The following KIF13A variants were observed in gnomAD, a reference collection of about 807,000 sequenced individuals.
The protein encoded by KIF13A is kinesin family member 13A.
KIF13A carries 79 observed loss-of-function variants against 212.2 expected under a neutral mutation model. That is an observed-to-expected ratio of 0.37 (90% confidence interval 0.31 to 0.45). The LOEUF (loss-of-function observed/expected upper bound fraction) is 0.45, where lower values mean the gene tolerates loss of function less well. Ranked by LOEUF, KIF13A falls within the 20% of genes least tolerant of loss-of-function variation. The probability of loss-of-function intolerance (pLI) is 1.00; values close to 1 mark genes in which losing one functional copy is unlikely to be tolerated. For synonymous variants in KIF13A, 789 were observed against 808.6 expected (o/e 0.98, Z 0.41); for missense variants, 1,901 against 2,209.0 (o/e 0.86, Z 2.79).
intron 9 of KIF13A, among the ~76,000 whole-genome samples, chr6:17,844,163 G>A (rs1038415080): frequency 3.3e-5 from 5 of 152,136 alleles, no homozygotes; most frequent in African/African-American, 1.2e-4. Flanking sequence ...CAGTAAAGCA[G>A]AAATGGAAAA....
rs1040267197 is a variant in KIF13A, at chr6:17,828,942, C to G, written c.1402-572G>C. 1.4e-5 allele frequency among the ~76,000 whole-genome samples: 2 copies of G among 143,274 alleles called. No individual in the cohort carries two copies. Among genetic ancestry groups the G allele is most frequent in the Middle Eastern group, 3.3e-3 (1 of 304 alleles). 94.0% of individuals were successfully genotyped at this position (143,274 alleles called of 152,430 possible). Reference sequence around the variant, plus strand: ...TAATGCCTGTGGGTCATACCATGTACAAACGTGTGATTTTTTTTTTTTTGA... The same window carrying G: ...TAATGCCTGTGGGTCATACCATGTAGAAACGTGTGATTTTTTTTTTTTTGA... On this transcript the variant is annotated intron_variant, in intron 13 of 38. Transcript: ENST00000259711. This position sits in a 1 kb window ranked among gnomAD's most constrained non-coding sequence, Gnocchi z 4.3.
intron 2 of KIF13A, among the ~76,000 whole-genome samples, chr6:17,954,241 T>C (rs960918580): frequency 4.8e-4 from 72 of 150,744 alleles, no homozygotes; most frequent in African/African-American, 1.7e-3. Flanking sequence ...GCGGGCTTGC[T>C]TGCAATGAGC....
At chr6:17,814,301 T>G (rs1168176798) in intron 17 of KIF13A, among the ~76,000 whole-genome samples, 1 of 139,280 alleles carries the variant, frequency 7.2e-6, no homozygotes, top group Non-Finnish European at 1.5e-5. Context: ...CAGGCTAGAG[T>G]GCAGTGGCGT....
At chr6:17,916,046 T>C (rs1774487512) in intron 2 of KIF13A, among the ~76,000 whole-genome samples, 1 of 152,166 alleles carries the variant, frequency 6.6e-6, no homozygotes, top group African/African-American at 2.4e-5. Flanking sequence ...CTGGGCAGGA[T>C]GGCGTTTCTC....
chr6:17,771,238 C>G lies in KIF13A; in HGVS notation c.4477-20G>C, dbSNP rs1399539093. 6.5e-7 allele frequency: 1 copy of G among 1,532,658 alleles called. No individual in the cohort carries two copies. Among genetic ancestry groups the G allele is most frequent in the Admixed American group, 1.7e-5 (1 of 57,642 alleles). The allele number at this position is 1,532,658 out of a possible 1,614,324, so 94.9% of individuals were successfully genotyped here. On this transcript the variant is annotated intron_variant, in intron 37 of 38. Transcript: ENST00000259711. The surrounding 1 kb of genome is among the most constrained non-coding windows in gnomAD (Gnocchi z 5.4). ...CATGCTCTGCAAAGGTTAAGACACACAGATGCATCACACACAAAGACGACA... is the reference window on the plus strand; with the variant it reads ...CATGCTCTGCAAAGGTTAAGACACAGAGATGCATCACACACAAAGACGACA...
chr6:17,983,810 G>A (rs1781319539), intron 2 of KIF13A, among the ~76,000 whole-genome samples: 1 of 152,026 alleles, frequency 6.6e-6, no homozygotes, highest in Admixed American at 6.6e-5. Context: ...GCTTCTGAAT[G>A]GTACTCCACC....
In KIF13A at chr6:17,800,058, C is replaced by A. The variant is rs778640625; in HGVS notation, c.2510G>T (p.Arg837Leu). The A allele has an allele frequency of 2.5e-6, 4 of 1,613,902 alleles. No individual in the cohort carries two copies. ...CTCCGAAGAGTCATCCTCCACCACA[C>A]GCTCTGGAACAGCTCCTGTAACACG... ...VMRVTGAVPERVVEDDSSENS... is the reference protein window; with the variant it reads ...VMRVTGAVPELVVEDDSSENS... The change falls in exon 21 of 39, where the codon CGT (arginine) becomes CTT (leucine). Residue 837 changes from arginine (R) to leucine (L), a missense_variant. Transcript: ENST00000259711.
intron 26 of KIF13A, among the ~76,000 whole-genome samples, chr6:17,788,914 G>C (rs1031268633): frequency 2.6e-5 from 4 of 152,066 alleles, no homozygotes; most frequent in African/African-American, 9.7e-5. Flanking sequence ...TAGTAGAGAC[G>C]GAGTTTCACC....
Position 17,943,349 on chromosome 6 carries a change from C to T in KIF13A, c.146+43705G>A, listed in dbSNP as rs564234490. ...TGGCAGTATTTTTTAGAAAGTGATT[C>T]TCCAATGTTAGTAAGCTTCAGAATC... On this transcript the variant is annotated intron_variant, in intron 2 of 38. Coordinates refer to ENST00000259711, the MANE Select transcript of KIF13A (RefSeq NM_022113.6). Among the ~76,000 whole-genome samples the T allele has an allele frequency of 2.6e-5, 4 of 151,642 alleles. No homozygotes were observed. In the East Asian group the frequency reaches 7.7e-4, roughly 29 times the overall value.
intron 4 of KIF13A, among the ~76,000 whole-genome samples, chr6:17,861,894 A>G (rs1343708696): frequency 6.6e-6 from 1 of 152,142 alleles, no homozygotes; most frequent in Non-Finnish European, 1.5e-5. Context: ...TTCATATTCA[A>G]ATCTTTTCTC....
chr6:17,974,525 C>T (rs187668948), intron 2 of KIF13A, among the ~76,000 whole-genome samples: 1 of 152,270 alleles, frequency 6.6e-6, no homozygotes, highest in Non-Finnish European at 1.5e-5. Context: ...AGCAAAGACA[C>T]GTCATATGTA....
chr6:17,881,687 CTG>C, intron 3 of KIF13A: 1 of 335,916 alleles, frequency 3.0e-6, no homozygotes, highest in South Asian at 2.3e-5. Flanking sequence ...CAGAGCTAGA[CTG>C]TGTCTCAAAA....
chr6:17,784,291 G>T (rs1760859742), intron 28 of KIF13A, among the ~76,000 whole-genome samples: 1 of 152,156 alleles, frequency 6.6e-6, no homozygotes, highest in Non-Finnish European at 1.5e-5. Flanking sequence ...GGGTGTGGTG[G>T]CACAGGCCTG....
Position 17,799,325 on chromosome 6 carries a change from C to T in KIF13A, c.2731G>A (p.Glu911Lys), listed in dbSNP as rs770759632. Residue 911 changes from glutamate (E) to lysine (K), a missense_variant, in exon 22 of 39, where the codon GAG becomes AAG. Coordinates refer to ENST00000259711, the MANE Select transcript of KIF13A (RefSeq NM_022113.6). The surrounding 1 kb of genome is among the most constrained non-coding windows in gnomAD (Gnocchi z 4.4). ...TCCTTGGACTGTGGTGAAGGCACCT[C>T]GGGGTCCACCACCGGGGCAGCCACC... ...STVAAPVVDP[E>K]VPSPQSKDAQ... The T allele has an allele frequency of 6.2e-6, 10 of 1,613,340 alleles. No individual in the cohort carries two copies. The highest frequency in any genetic ancestry group is 2.2e-5 in the South Asian group (2 of 90,948).
Position 17,825,786 on chromosome 6 carries a change from T to C in KIF13A, c.1768A>G (p.Lys590Glu). 6.2e-7 allele frequency: 1 copy of C among 1,613,806 alleles called. No homozygotes were observed. The highest frequency in any genetic ancestry group is 8.5e-7 in the Non-Finnish European group (1 of 1,179,844). ...GTCTTACCATTACTATTCAGGGTTT[T>C]CATGATAACTTCCATCTGTGCAAAT... The part of the protein sequence containing the change: ...YEFAQMEVIM[K>E]TLNSNDPVQN... Residue 590 changes from lysine (K) to glutamate (E), a missense_variant, in exon 16 of 39, where the codon AAA becomes GAA. By Grantham distance (56) the Lys-to-Glu change is moderately conservative. Transcript: ENST00000259711. This position sits in a 1 kb window ranked among gnomAD's most constrained non-coding sequence, Gnocchi z 4.5.
chr6:17,830,862 C>A (rs1296559104), intron 13 of KIF13A, among the ~76,000 whole-genome samples: 2 of 152,108 alleles, frequency 1.3e-5, no homozygotes, highest in Non-Finnish European at 2.9e-5. Context: ...CTACTGTTGC[C>A]CACTTATGCC....
chr6:17,922,883 C>T (rs1775203862), intron 2 of KIF13A, among the ~76,000 whole-genome samples: 1 of 151,894 alleles, frequency 6.6e-6, no homozygotes, highest in Admixed American at 6.6e-5. Context: ...CTCAGCCTCC[C>T]AAAGTGCTGG....
chr6:17,759,468 C>T (rs1413141397), downstream of KIF13A: 3 of 152,012 alleles, frequency 2.0e-5, no homozygotes, highest in Non-Finnish European at 4.4e-5. Context: ...TTTACCAACT[C>T]GAAGAATTTA....
Position 17,967,984 on chromosome 6 carries a change from T to G in KIF13A, c.146+19070A>C, listed in dbSNP as rs1779473897. Among the ~76,000 whole-genome samples, 1 of 152,214 alleles carries G rather than the reference T, an allele frequency of 6.6e-6. No individual in the cohort carries two copies. The highest frequency in any genetic ancestry group is 1.5e-5 in the Non-Finnish European group (1 of 68,044). On this transcript the variant is annotated intron_variant, in intron 2 of 38. Coordinates refer to ENST00000259711, the MANE Select transcript of KIF13A (RefSeq NM_022113.6). This position sits in a 1 kb window ranked among gnomAD's most constrained non-coding sequence, Gnocchi z 4.1. ...AAGCTATCCCCTGTAGACTGCCATT[T>G]TCACATGACTTCCATTCCAATGTAC...
Sources: allele counts gnomAD v4.1 joint callset (sites outside exome capture counted in the v4.1 genomes callset), GRCh38; gene constraint gnomAD v4.1.1; non-coding constraint Gnocchi (gnomAD v3.1); transcripts MANE v1.5; gene names NCBI Gene and HGNC (gene_info 2026-07-23, HGNC 2026-07-21).